SLC25A30: variants seen among roughly 807,000 people sequenced by gnomAD.
The protein encoded by SLC25A30 is kidney mitochondrial carrier protein 1.
Under a neutral mutation model 42.7 loss-of-function variants are expected in SLC25A30, and 29 were observed. The observed-to-expected ratio is 0.68, with a 90% confidence interval of 0.51 to 0.93. The LOEUF is 0.93. Ranked by LOEUF, SLC25A30 falls within the 40% of genes least tolerant of loss-of-function variation. The pLI is 0.00. For missense variants in SLC25A30, 300 were observed against 359.7 expected (o/e 0.83, Z 1.34); for synonymous variants, 124 against 131.0 (o/e 0.95, Z 0.37).
chr13:45,414,638 A>ACG (rs1883360078), intron 1 of SLC25A30, among the ~76,000 whole-genome samples: 1 of 128,394 alleles, frequency 7.8e-6, no homozygotes, highest in Admixed American at 7.7e-5. Flanking sequence ...ACACACATAC[A>ACG]CACACACACA....
At chr13:45,397,818 G>C in intron 8 of SLC25A30, 2 of 871,192 alleles carry the variant, frequency 2.3e-6, no homozygotes, top group Non-Finnish European at 2.8e-6. Context: ...GAAGACTAAG[G>C]CTCCATGCCC....
the SLC25A30 span, among the ~76,000 whole-genome samples, chr13:45,424,328 A>C: frequency 1.1e-4 from 1 of 8,934 alleles, no homozygotes; most frequent in African/African-American, 4.1e-4. Flanking sequence ...AATATATAAA[A>C]ATATATATAA....
At chr13:45,424,163 A>C in the SLC25A30 span, among the ~76,000 whole-genome samples, 2 of 100,022 alleles carry the variant, frequency 2.0e-5, no homozygotes, top group African/African-American at 4.2e-5. Flanking sequence ...ATATATAGAA[A>C]TATATCAATA....
At chr13:45,425,116 T>TATATATACATA in the SLC25A30 span, among the ~76,000 whole-genome samples, 5 of 15,866 alleles carry the variant, frequency 3.2e-4, no homozygotes, top group Admixed American at 1.2e-3. Flanking sequence ...ATAAATATAT[T>TATATATACATA]TATAAATATA....
At chr13:45,419,046 G>A (rs1347216570), upstream of SLC25A30, among the ~76,000 whole-genome samples, 2 of 125,616 alleles carry the variant, frequency 1.6e-5, no homozygotes, top group East Asian at 2.5e-4. Flanking sequence ...CAGGAGAATC[G>A]CTTGAACCCG....
chr13:45,419,316 T>TTTTTG (rs1188378706), upstream of SLC25A30, among the ~76,000 whole-genome samples: 2 of 151,200 alleles, frequency 1.3e-5, no homozygotes, highest in South Asian at 2.1e-4. Flanking sequence ...CCCAGGTATA[T>TTTTTG]TTTTGTTTTG....
At chr13:45,425,005 T>A in the SLC25A30 span, among the ~76,000 whole-genome samples, 1 of 64,218 alleles carries the variant, frequency 1.6e-5, no homozygotes, top group African/African-American at 8.0e-5. Flanking sequence ...AATATATAAA[T>A]ATATATAAAT....
At chr13:45,428,030 A>G in the SLC25A30 span, among the ~76,000 whole-genome samples, 3 of 151,136 alleles carry the variant, frequency 2.0e-5, no homozygotes, top group Admixed American at 1.3e-4. Flanking sequence ...GGCATGAGCC[A>G]CCATGCCGGC....
chr13:45,411,089 G>C (rs1359483802), intron 2 of SLC25A30, among the ~76,000 whole-genome samples: 2 of 151,268 alleles, frequency 1.3e-5, no homozygotes, highest in East Asian at 3.9e-4. Context: ...ACAGGCCTGT[G>C]CCACCACACC....
chr13:45,395,440 T>C lies in SLC25A30; in HGVS notation c.*534A>G, dbSNP rs1881233959. The C allele has an allele frequency of 3.0e-6, 3 of 987,744 alleles. No individual in the cohort carries two copies. Among genetic ancestry groups the C allele is most frequent in the Admixed American group, 1.2e-4 (2 of 16,858 alleles). 61.2% of individuals were successfully genotyped at this position (987,744 alleles called of 1,614,324 possible). A position where few individuals can be genotyped will look rare whatever the true frequency, so the allele number is the denominator to read the frequency against. ...TAGGAAATGATAAAGCAGTGTGATA[T>C]TCCTAGGATCCATTTCCTGCACCGT... is the stretch of plus-strand genomic sequence containing the variant. On this transcript the variant is annotated 3_prime_UTR_variant, in exon 10 of 10. Coordinates refer to ENST00000519676, the MANE Select transcript of SLC25A30 (RefSeq NM_001010875.4).
At chr13:45,426,986 C>T in the SLC25A30 span, among the ~76,000 whole-genome samples, 3 of 151,988 alleles carry the variant, frequency 2.0e-5, no homozygotes, top group Non-Finnish European at 4.4e-5. Context: ...ATATTTAACT[C>T]TAAACCTTCC....
In SLC25A30 at chr13:45,393,761, A is replaced by T. The variant is rs543365684; in HGVS notation, c.*2213T>A. Reference sequence around the variant, plus strand: ...AAGCAGGTTAAGATCCTGTTCAATAAGGCACTTAATAAGTCTACACTGAAG... The same window carrying T: ...AAGCAGGTTAAGATCCTGTTCAATATGGCACTTAATAAGTCTACACTGAAG... On this transcript the variant is annotated 3_prime_UTR_variant, in exon 10 of 10. Coordinates refer to ENST00000519676, the MANE Select transcript of SLC25A30 (RefSeq NM_001010875.4). The T allele has an allele frequency of 5.6e-5, 55 of 985,434 alleles. No individual in the cohort carries two copies. In the East Asian group the frequency reaches 1.7e-3, roughly 30 times the overall value. The allele number at this position is 985,434 out of a possible 1,614,324, so 61.0% of individuals were successfully genotyped here. A position where few individuals can be genotyped will look rare whatever the true frequency, so the allele number is the denominator to read the frequency against.
In SLC25A30 at chr13:45,401,205, A is replaced by G; in HGVS notation, c.492T>C (p.Gly164=). The G allele has an allele frequency of 6.2e-7, 1 of 1,613,514 alleles. No individual in the cohort carries two copies. The highest frequency in any genetic ancestry group is 8.5e-7 in the Non-Finnish European group (1 of 1,179,836). The change falls in exon 7 of 10, where the codon GGT becomes GGC. Residue 164 remains glycine (G), a splice_region_variant and synonymous_variant. Transcript: ENST00000519676. ...QQEGTRGLWK[G]VSLTAQRAAI... is the part of the protein sequence containing the mutation. ...CAGCCCTCTGCGCAGTAAGGGACAC[A>G]CCCTGGGTAAAAATATTAACAATAA...
chr13:45,417,785 CAA>C (rs1883661125), intron 1 of SLC25A30, among the ~76,000 whole-genome samples: 1 of 152,232 alleles, frequency 6.6e-6, no homozygotes. Flanking sequence ...AGAAAGACTT[CAA>C]AACCCAGAGG....
At chr13:45,411,558 T>A in intron 1 of SLC25A30, 78 bp from the exon 2 acceptor site, 1 of 941,766 alleles carries the variant, frequency 1.1e-6, no homozygotes. Context: ...TCCCCTAGGT[T>A]TTATTTGGAG....
At chr13:45,411,541 A>G in intron 1 of SLC25A30, 61 bp from the exon 2 acceptor site, 1 of 1,047,530 alleles carries the variant, frequency 9.5e-7, no homozygotes, top group South Asian at 1.4e-5. Flanking sequence ...TTTCTTCTCC[A>G]AACTCTTCCC....
At chr13:45,404,170 C>T (rs529554129) in intron 5 of SLC25A30, among the ~76,000 whole-genome samples, 157 bp downstream of exon 5, 9 of 152,264 alleles carry the variant, frequency 5.9e-5, no homozygotes, top group African/African-American at 2.2e-4. Flanking sequence ...GTGGAAAACC[C>T]ACCTCATGGA....
At chr13:45,428,757 A>G in the SLC25A30 span, among the ~76,000 whole-genome samples, 1 of 142,918 alleles carries the variant, frequency 7.0e-6, no homozygotes, top group Admixed American at 7.0e-5. Context: ...TCCTGACCTC[A>G]TGATCTGCCC....
intron 1 of SLC25A30, among the ~76,000 whole-genome samples, chr13:45,415,473 G>C (rs923327032): frequency 6.6e-6 from 1 of 152,030 alleles, no homozygotes; most frequent in Non-Finnish European, 1.5e-5. Context: ...GCTGTTGGCC[G>C]GGTGTGGTGG....
Sources: gnomAD v4.1 joint callset for allele counts (sites outside exome capture counted in the v4.1 genomes callset) on GRCh38, gnomAD v4.1.1 for gene constraint, MANE v1.5 for transcripts, NCBI Gene and HGNC (gene_info 2026-07-23, HGNC 2026-07-21) for gene names.